Variants in STXBP4 observed in about 807,000 individuals in gnomAD.
The protein encoded by STXBP4 is syntaxin-binding protein 4.
A neutral mutation model predicts 76.1 loss-of-function variants in STXBP4; 55 were observed. That is an observed-to-expected ratio of 0.72 (90% CI 0.58 to 0.91). The LOEUF is 0.91. STXBP4 is among the 40% of genes least tolerant of loss of function. The probability of loss-of-function intolerance (pLI) is 0.00; values close to 1 mark genes in which losing one functional copy is unlikely to be tolerated. For synonymous variants in STXBP4, 201 were observed against 220.2 expected (o/e 0.91, Z 0.77); for missense variants, 618 against 636.9 (o/e 0.97, Z 0.32).
intron 9 of STXBP4, among the ~76,000 whole-genome samples, chr17:55,033,484 A>G (rs1186993201): frequency 6.6e-6 from 1 of 152,224 alleles, no homozygotes; most frequent in Non-Finnish European, 1.5e-5. Context: ...AAAGTAGGAT[A>G]TTGTAAAACA....
chr17:55,090,855 CTGTGTGTGTGTGTGTGTG>C (rs57750914), intron 16 of STXBP4, among the ~76,000 whole-genome samples: 2 of 147,304 alleles, frequency 1.4e-5, no homozygotes, highest in Admixed American at 6.8e-5. Context: ...GTGTGTGTGT[CTGTGTGTGTGTGTGTGTG>C]TGTGTGTGTG....
At chr17:55,097,455 A>C (rs986887563) in intron 16 of STXBP4, among the ~76,000 whole-genome samples, 3 of 152,190 alleles carry the variant, frequency 2.0e-5, no homozygotes, top group Admixed American at 6.5e-5. Flanking sequence ...CGAGGTCAGG[A>C]GATCGAGACC....
intron 17 of STXBP4, among the ~76,000 whole-genome samples, chr17:55,147,756 G>A (rs987776073): frequency 2.4e-4 from 36 of 152,164 alleles, no homozygotes; most frequent in African/African-American, 8.7e-4. Flanking sequence ...GAACAGGGAA[G>A]GGAAATAGAT....
chr17:55,043,662 T>A, intron 11 of STXBP4: 3 of 1,549,502 alleles, frequency 1.9e-6, no homozygotes, highest in Non-Finnish European at 2.6e-6. Context: ...CGTGGCAATT[T>A]TGGATCCTGT....
intron 17 of STXBP4, among the ~76,000 whole-genome samples, chr17:55,156,106 G>T (rs913710534): frequency 6.6e-6 from 1 of 152,132 alleles, no homozygotes; most frequent in Non-Finnish European, 1.5e-5. Flanking sequence ...AGGAGAATTT[G>T]CCAGAGGTAC....
chr17:55,178,333 A>G (rs1222331569), downstream of STXBP4, among the ~76,000 whole-genome samples: 1 of 152,188 alleles, frequency 6.6e-6, no homozygotes, highest in Admixed American at 6.5e-5. Context: ...ATTCAGATAA[A>G]TTCATTGAAC....
chr17:54,996,626 C>T (rs961444150), intron 4 of STXBP4, among the ~76,000 whole-genome samples: 1 of 152,074 alleles, frequency 6.6e-6, no homozygotes, highest in Admixed American at 6.6e-5. Context: ...TATTTATCCC[C>T]ATTCTACAGC....
At chr17:55,187,578 C>T in the STXBP4 span, among the ~76,000 whole-genome samples, 3 of 152,130 alleles carry the variant, frequency 2.0e-5, no homozygotes, top group Non-Finnish European at 2.9e-5. Flanking sequence ...GCCCAGTGTT[C>T]CTCTCCAAAT....
intron 16 of STXBP4, among the ~76,000 whole-genome samples, chr17:55,139,670 T>A (rs555764256): frequency 1.3e-5 from 2 of 152,192 alleles, no homozygotes; most frequent in East Asian, 3.9e-4. Flanking sequence ...CAGTGAACAC[T>A]AGAGGAGACA....
chr17:55,042,939 A>G (rs1020550610), intron 10 of STXBP4, among the ~76,000 whole-genome samples: 2 of 152,164 alleles, frequency 1.3e-5, no homozygotes, highest in Admixed American at 6.5e-5. Flanking sequence ...TCTTTTTGAC[A>G]TTATAAACAC....
At chr17:54,974,916 T>C (rs1189390083) in intron 1 of STXBP4, among the ~76,000 whole-genome samples, 2 of 152,180 alleles carry the variant, frequency 1.3e-5, no homozygotes, top group Admixed American at 6.5e-5. Flanking sequence ...AGGATGAGTG[T>C]GGTAATTTCC....
In STXBP4 at chr17:54,977,177, C is replaced by A. The variant is rs552433297; in HGVS notation, c.-157+8362C>A. Among the ~76,000 whole-genome samples the A allele has an allele frequency of 2.6e-5, 4 of 152,238 alleles. No homozygotes were observed. The East Asian group carries it at 7.7e-4, about 29-fold the overall frequency. The stretch of plus-strand genomic sequence containing the variant: ...CCCCCAAGACAAATGAGTAGCATTT[C>A]TGAACTCGTTAGATTCTTGAAAGAA... On this transcript the variant is annotated intron_variant, in intron 1 of 17. Transcript: ENST00000376352.
the STXBP4 span, among the ~76,000 whole-genome samples, chr17:55,198,396 A>G: frequency 2.6e-5 from 4 of 152,210 alleles, no homozygotes; most frequent in Non-Finnish European, 5.9e-5. Flanking sequence ...CTCCTGCTTC[A>G]GTGGGAAATA....
intron 7 of STXBP4, among the ~76,000 whole-genome samples, chr17:55,001,884 G>T (rs973238286): frequency 1.3e-5 from 2 of 152,056 alleles, no homozygotes; most frequent in African/African-American, 4.8e-5. Context: ...TGCCTGCCTT[G>T]GCCTCCCAAA....
chr17:55,118,676 G>A (rs2079809970), intron 16 of STXBP4, among the ~76,000 whole-genome samples: 1 of 151,688 alleles, frequency 6.6e-6, no homozygotes, highest in Non-Finnish European at 1.5e-5. Context: ...GAGGATCCAA[G>A]ACTTAACACT....
intron 11 of STXBP4, 184 bp downstream of exon 11, chr17:55,043,509 A>G (rs769713206): frequency 1.9e-6 from 2 of 1,058,880 alleles, no homozygotes; most frequent in Non-Finnish European, 2.7e-6. Flanking sequence ...TGGTCTACAT[A>G]TTTATATTTC....
intron 12 of STXBP4, among the ~76,000 whole-genome samples, chr17:55,052,175 A>G (rs1231858705): frequency 6.6e-6 from 1 of 152,144 alleles, no homozygotes; most frequent in Non-Finnish European, 1.5e-5. Context: ...AAGCCAGGCT[A>G]CTCAGAGAAA....
chr17:55,106,286 T>C (rs1294658990), intron 16 of STXBP4, among the ~76,000 whole-genome samples: 1 of 140,954 alleles, frequency 7.1e-6, no homozygotes. Flanking sequence ...AACCCCTGCT[T>C]TTTTTTTTTT....
intron 8 of STXBP4, among the ~76,000 whole-genome samples, chr17:55,017,568 C>T (rs748881218): frequency 2.0e-5 from 3 of 152,342 alleles, no homozygotes; most frequent in East Asian, 3.9e-4. Flanking sequence ...GGGGGCTACA[C>T]TTTCAAGAAA....
Sources: gnomAD v4.1 joint callset for allele counts (sites outside exome capture counted in the v4.1 genomes callset) on GRCh38, gnomAD v4.1.1 for gene constraint, MANE v1.5 for transcripts, NCBI Gene and HGNC (gene_info 2026-07-23, HGNC 2026-07-21) for gene names.